Variants in E2F3 observed in about 807,000 individuals in gnomAD.
E2F3 encodes the protein E2F transcription factor 3.
Under a neutral mutation model 44.4 loss-of-function variants are expected in E2F3, and 11 were observed. The observed-to-expected ratio is 0.25, with a 90% CI of 0.16 to 0.41. The LOEUF is 0.41. E2F3 is among the 10% of genes least tolerant of loss of function. E2F3 has a pLI of 1.00. For synonymous variants in E2F3, 249 were observed against 253.0 expected, an observed-to-expected ratio of 0.98 and a Z score of 0.15; for missense variants, 487 against 583.6, an observed-to-expected ratio of 0.83 and a Z score of 1.70.
chr6:20,431,516 G>A (rs1246662582), intron 1 of E2F3, among the ~76,000 whole-genome samples: 1 of 152,084 alleles, frequency 6.6e-6, no homozygotes, highest in Non-Finnish European at 1.5e-5. Flanking sequence ...AGTCGGAGGG[G>A]GGTCAACACC....
intron 1 of E2F3, among the ~76,000 whole-genome samples, chr6:20,428,227 T>A (rs1207993376): frequency 6.6e-6 from 1 of 151,040 alleles, no homozygotes; most frequent in Admixed American, 6.6e-5. Flanking sequence ...TATTTTTTAT[T>A]TTTTTTTATT....
chr6:20,478,536 C>T (rs754744287), intron 1 of E2F3, among the ~76,000 whole-genome samples: 3 of 152,290 alleles, frequency 2.0e-5, no homozygotes, highest in Non-Finnish European at 4.4e-5. Flanking sequence ...CGGCTGGGTA[C>T]AGTGGCTCAC....
At chr6:20,427,214 G>A (rs1254873886) in intron 1 of E2F3, among the ~76,000 whole-genome samples, 1 of 152,146 alleles carries the variant, frequency 6.6e-6, no homozygotes, top group Non-Finnish European at 1.5e-5. Flanking sequence ...CATATAATGG[G>A]AATCACAAAC....
intron 1 of E2F3, among the ~76,000 whole-genome samples, chr6:20,468,033 T>C (rs1459981938): frequency 6.6e-6 from 1 of 152,236 alleles, no homozygotes; most frequent in Non-Finnish European, 1.5e-5. Context: ...CTGAAAATGC[T>C]GAGGAATGAA....
Position 20,402,622 on chromosome 6 carries a change from T to G in E2F3, c.390T>G (p.Pro130=). 1.5e-6 allele frequency: 2 copies of G among 1,336,190 alleles called. No individual in the cohort carries two copies. The highest frequency in any genetic ancestry group is 1.9e-6 in the Non-Finnish European group (2 of 1,052,422). The allele number at this position is 1,336,190 out of a possible 1,614,324, so 82.8% of individuals were successfully genotyped here. A position where few individuals can be genotyped will look rare whatever the true frequency, so the allele number is the denominator to read the frequency against. The change falls in exon 1 of 7, where the codon CCT becomes CCG. Residue 130 remains proline (P), a synonymous_variant. Coordinates refer to ENST00000346618, the MANE Select transcript of E2F3 (RefSeq NM_001949.5). The surrounding 1 kb of genome is among the most constrained non-coding windows in gnomAD (Gnocchi z 5.6). The part of the protein sequence containing the change: ...GRGGSGGGGG[P]PAKRRLELGE... ...GCGGCAGCGGCGGCGGCGGCGGCCC[T>G]CCGGTAATACCCTCCCTCCCCACCG...
chr6:20,427,756 G>A (rs1760263604), intron 1 of E2F3, among the ~76,000 whole-genome samples: 1 of 152,172 alleles, frequency 6.6e-6, no homozygotes, highest in Admixed American at 6.5e-5. Flanking sequence ...CACCTTCCAT[G>A]CCATGCATCT....
intron 1 of E2F3, chr6:20,421,469 AAAACAT>A (rs1413613795): frequency 6.6e-6 from 1 of 152,244 alleles, no homozygotes; most frequent in African/African-American, 2.4e-5. Flanking sequence ...ACCAGCCATG[AAAACAT>A]TAATCTCCTT....
intron 1 of E2F3, among the ~76,000 whole-genome samples, chr6:20,436,202 A>T (rs1045659207): frequency 6.6e-6 from 1 of 152,108 alleles, no homozygotes; most frequent in African/African-American, 2.4e-5. Context: ...GTTGGTCTCA[A>T]ACTCCTGACC....
At chr6:20,438,550 A>G (rs151096794) in intron 1 of E2F3, among the ~76,000 whole-genome samples, 2 of 152,334 alleles carry the variant, frequency 1.3e-5, no homozygotes, top group African/African-American at 4.8e-5. Context: ...AGACCATAGG[A>G]TATTTAAACA....
intron 1 of E2F3, among the ~76,000 whole-genome samples, chr6:20,475,739 T>C (rs2127617619): frequency 6.6e-6 from 1 of 152,252 alleles, no homozygotes; most frequent in East Asian, 1.9e-4. Flanking sequence ...GTGATCTGCC[T>C]ACCTCGGCCT....
At chr6:20,487,702 T>G (rs1196322266) in intron 5 of E2F3, among the ~76,000 whole-genome samples, 1 of 152,224 alleles carries the variant, frequency 6.6e-6, no homozygotes, top group African/African-American at 2.4e-5. Context: ...TAAAATAGTT[T>G]TCTTTCTCTA....
intron 1 of E2F3, among the ~76,000 whole-genome samples, chr6:20,450,777 T>G (rs78443121): frequency 4.1e-4 from 63 of 152,342 alleles, no homozygotes; most frequent in African/African-American, 1.5e-3. Context: ...ACACTTACCT[T>G]TAATCCATCT....
intron 1 of E2F3, among the ~76,000 whole-genome samples, chr6:20,424,651 T>G (rs901188868): frequency 6.6e-6 from 1 of 152,172 alleles, no homozygotes; most frequent in African/African-American, 2.4e-5. Flanking sequence ...TTTTTACAAA[T>G]TGAGCTTCTT....
At chr6:20,429,003 G>A (rs1760308360) in intron 1 of E2F3, among the ~76,000 whole-genome samples, 1 of 152,198 alleles carries the variant, frequency 6.6e-6, no homozygotes, top group South Asian at 2.1e-4. Context: ...CTTTGGCAAT[G>A]TCTGGAGACA....
chr6:20,413,753 G>A (rs866477949), intron 1 of E2F3, among the ~76,000 whole-genome samples: 2 of 152,298 alleles, frequency 1.3e-5, no homozygotes, highest in Middle Eastern at 3.4e-3. Context: ...TGGACAGAGC[G>A]AGAAATGTGA....
At chr6:20,483,121 G>A (rs1011774854) in intron 4 of E2F3, among the ~76,000 whole-genome samples, 2 of 152,054 alleles carry the variant, frequency 1.3e-5, no homozygotes, top group African/African-American at 4.8e-5. Context: ...AGTATTTATG[G>A]TAAGATAGTC....
chr6:20,445,613 G>A (rs1212111751), intron 1 of E2F3, among the ~76,000 whole-genome samples: 1 of 152,152 alleles, frequency 6.6e-6, no homozygotes, highest in African/African-American at 2.4e-5. Flanking sequence ...TCTTAGAACT[G>A]AGGAATTCGT....
At chr6:20,462,859 C>CTTTT (rs780366667) in intron 1 of E2F3, among the ~76,000 whole-genome samples, 9 of 48,810 alleles carry the variant, frequency 1.8e-4, no homozygotes, top group Non-Finnish European at 2.5e-4. Flanking sequence ...CTCTCTCTCT[C>CTTTT]TTTTTTTTTT....
In E2F3 at chr6:20,482,473, G is replaced by T; in HGVS notation, c.726-289G>T. On this transcript the variant is annotated intron_variant, in intron 3 of 6. Transcript: ENST00000346618. ...GGGAGGAAGGTGGTTGCCTTCTTTT[G>T]CCCTCTGAATTTGAACCTTCTGAAG... Among the ~76,000 whole-genome samples the T allele has an allele frequency of 6.7e-6, 1 of 149,140 alleles. No individual in the cohort carries two copies. The highest frequency in any genetic ancestry group is 2.5e-5 in the African/African-American group (1 of 40,736).
Sources: allele counts gnomAD v4.1 joint callset (sites outside exome capture counted in the v4.1 genomes callset), GRCh38; gene constraint gnomAD v4.1.1; non-coding constraint Gnocchi (gnomAD v3.1); transcripts MANE v1.5; gene names NCBI Gene and HGNC (gene_info 2026-07-23, HGNC 2026-07-21).